MTMR7: variants seen among roughly 807,000 people sequenced by gnomAD.
The protein encoded by MTMR7 is phosphatidylinositol-3-phosphate phosphatase MTMR7.
MTMR7 carries 76 observed loss-of-function variants against 81.2 expected under a neutral mutation model. The observed-to-expected ratio is 0.94, with a 90% confidence interval of 0.78 to 1.13. The LOEUF is 1.13. Among genes scored for constraint, MTMR7 ranks in the 50% most tolerant of loss-of-function variants. The probability of loss-of-function intolerance (pLI) is 0.00; values close to 1 mark genes in which losing one functional copy is unlikely to be tolerated. For missense variants in MTMR7, 1,044 were observed against 820.0 expected (o/e 1.27, Z -3.34); for synonymous variants, 372 against 289.8 (o/e 1.28, Z -2.88).
chr8:17,388,703 T>C (rs187687450), intron 1 of MTMR7, among the ~76,000 whole-genome samples: 2 of 151,742 alleles, frequency 1.3e-5, no homozygotes, highest in Non-Finnish European at 2.9e-5. Flanking sequence ...CAAATAGAAC[T>C]TACTAACCAA....
intron 10 of MTMR7, 64 bp downstream of exon 10, chr8:17,309,213 A>G (rs964820832): frequency 1.8e-6 from 2 of 1,110,940 alleles, no homozygotes; most frequent in African/African-American, 3.2e-5. Flanking sequence ...TAAATATTCA[A>G]TTGAAATTTT....
chr8:17,383,591 CAT>C (rs1820830199), intron 1 of MTMR7, among the ~76,000 whole-genome samples: 1 of 152,224 alleles, frequency 6.6e-6, no homozygotes, highest in Non-Finnish European at 1.5e-5. Flanking sequence ...GAAGGAAAAA[CAT>C]CCTGGCTCAA....
intron 9 of MTMR7, among the ~76,000 whole-genome samples, chr8:17,310,751 C>G (rs948930730): frequency 3.3e-5 from 5 of 152,134 alleles, no homozygotes; most frequent in African/African-American, 1.2e-4. Flanking sequence ...TAATGGAGAC[C>G]CAGCAGTAAA....
chr8:17,353,184 G>C (rs1221436099), intron 4 of MTMR7, among the ~76,000 whole-genome samples: 1 of 152,138 alleles, frequency 6.6e-6, no homozygotes, highest in East Asian at 1.9e-4. Flanking sequence ...ACATAAGCCT[G>C]TCACAAAAAG....
At chr8:17,380,962 T>C (rs575581389) in intron 1 of MTMR7, among the ~76,000 whole-genome samples, 14 of 152,234 alleles carry the variant, frequency 9.2e-5, no homozygotes, top group South Asian at 4.2e-4. Flanking sequence ...AGCCCAAAGA[T>C]TGACACTAGC....
intron 4 of MTMR7, 59 bp downstream of exon 4, chr8:17,361,058 C>T: frequency 1.3e-6 from 2 of 1,582,126 alleles, no homozygotes; most frequent in South Asian, 1.1e-5. Flanking sequence ...TAAAGGGATG[C>T]TAAGCTGGCT....
In MTMR7 at chr8:17,307,074, G is replaced by A. The variant is rs1437308053; in HGVS notation, c.1152-1117C>T. 1.2e-4 allele frequency among the ~76,000 whole-genome samples: 18 copies of A among 152,148 alleles called. No individual in the cohort carries two copies. The East Asian group carries it at 1.9e-3, about 16-fold the overall frequency. ...TAAACTAAAGAGCTTCTGCACAGCA[G>A]AAGAAACTACCATCAGAGTGAACAG... On this transcript the variant is annotated intron_variant, in intron 10 of 13. Transcript: ENST00000180173.
chr8:17,300,856 G>A (rs1320654764), intron 13 of MTMR7, among the ~76,000 whole-genome samples: 1 of 152,158 alleles, frequency 6.6e-6, no homozygotes, highest in South Asian at 2.1e-4. Flanking sequence ...TATATAAATT[G>A]AATGGAATCA....
chr8:17,404,887 G>A (rs1365965206), intron 1 of MTMR7, among the ~76,000 whole-genome samples: 6 of 152,228 alleles, frequency 3.9e-5, no homozygotes, highest in Non-Finnish European at 7.4e-5. Context: ...GTGCAGCGGC[G>A]CGATCTCAGC....
chr8:17,372,361 A>C (rs959292579), intron 2 of MTMR7, among the ~76,000 whole-genome samples: 3 of 152,118 alleles, frequency 2.0e-5, no homozygotes, highest in African/African-American at 7.2e-5. Flanking sequence ...TGGGCAGATC[A>C]CTTGAGGTCA....
At chr8:17,398,969 G>A (rs953374185) in intron 1 of MTMR7, among the ~76,000 whole-genome samples, 10 of 152,068 alleles carry the variant, frequency 6.6e-5, no homozygotes, top group Non-Finnish European at 1.0e-4. Flanking sequence ...GAGGATAGAA[G>A]GAACATACCT....
intron 1 of MTMR7, among the ~76,000 whole-genome samples, chr8:17,404,317 T>A (rs981840243): frequency 6.6e-6 from 1 of 152,096 alleles, no homozygotes; most frequent in African/African-American, 2.4e-5. Flanking sequence ...ACTGGAACGG[T>A]GGATCGCCGA....
chr8:17,320,341 C>A (rs1044927219), intron 7 of MTMR7, among the ~76,000 whole-genome samples: 3 of 152,078 alleles, frequency 2.0e-5, no homozygotes, highest in Non-Finnish European at 4.4e-5. Flanking sequence ...TATGAAACTA[C>A]ATATTCCCTC....
intron 7 of MTMR7, among the ~76,000 whole-genome samples, chr8:17,330,391 C>T (rs1301689385): frequency 6.6e-6 from 1 of 152,210 alleles, no homozygotes; most frequent in East Asian, 1.9e-4. Flanking sequence ...GTTTCTGCAT[C>T]CTCTGTCTTT....
At chr8:17,373,419 A>G (rs1362562914) in intron 1 of MTMR7, among the ~76,000 whole-genome samples, 179 bp from the exon 2 acceptor site, 1 of 152,264 alleles carries the variant, frequency 6.6e-6, no homozygotes, top group Admixed American at 6.5e-5. Flanking sequence ...GATTGTGTAT[A>G]TTAAAAGATG....
Position 17,318,084 on chromosome 8 carries a change from G to C in MTMR7, c.866-4683C>G, listed in dbSNP as rs78102817. 9.8e-3 allele frequency among the ~76,000 whole-genome samples: 1,495 copies of C among 152,174 alleles called. 22 individuals are homozygous for C. The highest frequency in any genetic ancestry group is 0.038 in the East Asian group (193 of 5,144). On this transcript the variant is annotated intron_variant, in intron 7 of 13. Coordinates refer to ENST00000180173, the MANE Select transcript of MTMR7 (RefSeq NM_004686.5). Reference sequence around the variant, plus strand: ...GAGCTGTTAAAAAAAATCCACTCATGCACTCAGGATGATGATGGGAAGCCA... The same window carrying C: ...GAGCTGTTAAAAAAAATCCACTCATCCACTCAGGATGATGATGGGAAGCCA...
chr8:17,403,135 T>C (rs537722088), intron 1 of MTMR7, among the ~76,000 whole-genome samples: 3 of 152,318 alleles, frequency 2.0e-5, no homozygotes, highest in Non-Finnish European at 2.9e-5. Flanking sequence ...GCCCCTTATA[T>C]ATTCTGGTTA....
At chr8:17,309,961 T>C (rs1339900185) in intron 9 of MTMR7, among the ~76,000 whole-genome samples, 3 of 152,186 alleles carry the variant, frequency 2.0e-5, no homozygotes, top group African/African-American at 7.2e-5. Context: ...ATTATTATTT[T>C]TAAGTATTTA....
At chr8:17,324,751 G>A (rs1006333987) in intron 7 of MTMR7, among the ~76,000 whole-genome samples, 2 of 152,194 alleles carry the variant, frequency 1.3e-5, no homozygotes, top group South Asian at 4.1e-4. Flanking sequence ...ATGGGAAAAT[G>A]GGTTTTCTAT....
Sources: allele counts gnomAD v4.1 joint callset (sites outside exome capture counted in the v4.1 genomes callset), GRCh38; gene constraint gnomAD v4.1.1; transcripts MANE v1.5; gene names NCBI Gene and HGNC (gene_info 2026-07-23, HGNC 2026-07-21).